Variants in EVC2 observed in about 807,000 individuals in gnomAD.
EVC2 encodes the protein EvC ciliary complex subunit 2, also known as limbin.
A neutral mutation model predicts 149.3 loss-of-function variants in EVC2; 148 were observed. That is an observed-to-expected ratio of 0.99 (90% CI 0.87 to 1.14). The LOEUF (loss-of-function observed/expected upper bound fraction) is 1.14, where lower values mean the gene tolerates loss of function less well. Among genes scored for constraint, EVC2 ranks in the 50% most tolerant of loss-of-function variants. EVC2 has a pLI of 0.00. For synonymous variants in EVC2, 776 were observed against 649.9 expected (o/e 1.19, Z -2.95); for missense variants, 1,854 against 1,627.3 (o/e 1.14, Z -2.40).
intron 21 of EVC2, among the ~76,000 whole-genome samples, chr4:5,551,896 C>T (rs1272575893): frequency 7.2e-5 from 11 of 152,182 alleles, no homozygotes; most frequent in Non-Finnish European, 5.9e-5. Context: ...TTGCCTGCCA[C>T]CATCCATGTA....
chr4:5,695,226 T>C (rs1459918571), intron 2 of EVC2, among the ~76,000 whole-genome samples: 2 of 151,938 alleles, frequency 1.3e-5, no homozygotes, highest in Non-Finnish European at 1.5e-5. Flanking sequence ...TGTGCGCCTG[T>C]AGTCCCAGCT....
intron 1 of EVC2, among the ~76,000 whole-genome samples, chr4:5,704,943 C>A (rs566985265): frequency 7.2e-4 from 109 of 152,224 alleles, no homozygotes; most frequent in African/African-American, 2.6e-3. Context: ...CTCCTGACCT[C>A]AAGCGATCCT....
the EVC2 span, among the ~76,000 whole-genome samples, chr4:5,536,223 A>C: frequency 6.6e-6 from 1 of 152,192 alleles, no homozygotes; most frequent in Non-Finnish European, 1.5e-5. Flanking sequence ...TCTCTAAAAA[A>C]TGTGGGTATT....
chr4:5,611,900 T>G (rs780031347), intron 16 of EVC2, among the ~76,000 whole-genome samples: 15 of 152,200 alleles, frequency 9.9e-5, no homozygotes, highest in Admixed American at 3.3e-4. Flanking sequence ...GATTACAGAT[T>G]AGCCTTCTTC....
intron 5 of EVC2, among the ~76,000 whole-genome samples, chr4:5,687,413 AGAG>A (rs1179228061): frequency 6.6e-6 from 1 of 152,126 alleles, no homozygotes; most frequent in African/African-American, 2.4e-5. Context: ...TAGCATGCCC[AGAG>A]GAGAGATGGA....
At chr4:5,568,032 A>G (rs1162064026) in intron 20 of EVC2, among the ~76,000 whole-genome samples, 1 of 152,128 alleles carries the variant, frequency 6.6e-6, no homozygotes, top group Non-Finnish European at 1.5e-5. Flanking sequence ...CGACACACAA[A>G]TACACATATT....
intron 7 of EVC2, among the ~76,000 whole-genome samples, chr4:5,678,717 G>A (rs549368978): frequency 2.6e-5 from 4 of 152,260 alleles, no homozygotes; most frequent in African/African-American, 4.8e-5. Context: ...ACTGTAACAC[G>A]TACTAAGTAT....
rs560107958 is a variant in EVC2, at chr4:5,546,221, C to A, written c.3420-3009G>T. Among the ~76,000 whole-genome samples, 156 of 152,266 alleles carry A rather than the reference C, an allele frequency of 1.0e-3. 1 individual carries two copies. Among genetic ancestry groups the A allele is most frequent in the Admixed American group, 1.5e-3 (23 of 15,302 alleles). ...CAGCCATCCCATTACTGGGTATATA[C>A]CCAAAGGACTATAAATCATGCTGCT... On this transcript the variant is annotated intron_variant and NMD_transcript_variant, in intron 21 of 22. Transcript: ENST00000475313.
chr4:5,628,498 G>A (rs1348532371), intron 12 of EVC2, 61 bp downstream of exon 12: 3 of 1,593,530 alleles, frequency 1.9e-6, no homozygotes, highest in Admixed American at 1.7e-5. Flanking sequence ...GTGGTATTCT[G>A]TCATAGCAGC....
At position 5,625,018 on chromosome 4, in the gene EVC2, G is replaced by A. The variant is rs1426906623; in HGVS notation, c.2046+731C>T. On this transcript the variant is annotated intron_variant, in intron 13 of 21. Transcript: ENST00000344408. The surrounding 1 kb of genome is among the most constrained non-coding windows in gnomAD (Gnocchi z 4.0). Reference sequence around the variant, plus strand: ...CCGGCCAAGTACCAGAGCCTCCCATGGGGTTTGTATTCCCAGGTTCCTCAA... The same window carrying A: ...CCGGCCAAGTACCAGAGCCTCCCATAGGGTTTGTATTCCCAGGTTCCTCAA... 1.3e-5 allele frequency among the ~76,000 whole-genome samples: 2 copies of A among 151,996 alleles called. No individual in the cohort carries two copies. Among genetic ancestry groups the A allele is most frequent in the Admixed American group, 6.6e-5 (1 of 15,266 alleles).
At chr4:5,568,872 C>T (rs1353749720) in intron 19 of EVC2, among the ~76,000 whole-genome samples, 1 of 152,192 alleles carries the variant, frequency 6.6e-6, no homozygotes, top group East Asian at 1.9e-4. Context: ...TCCAACTGCT[C>T]TCAAGTCACT....
At chr4:5,603,763 G>C (rs1714178803) in intron 16 of EVC2, among the ~76,000 whole-genome samples, 1 of 152,190 alleles carries the variant, frequency 6.6e-6, no homozygotes, top group Non-Finnish European at 1.5e-5. Flanking sequence ...TGCAGACAGA[G>C]AGCAAGATCA....
intron 16 of EVC2, among the ~76,000 whole-genome samples, chr4:5,607,872 G>C (rs1228956142): frequency 6.6e-6 from 1 of 151,942 alleles, no homozygotes. Context: ...CCTAAAGAAG[G>C]AAGCAGAAGG....
Position 5,694,429 on chromosome 4 carries a change from G to C in EVC2, c.356C>G (p.Ser119Cys). 3 of 1,614,192 alleles carry C rather than the reference G, an allele frequency of 1.9e-6. No homozygotes were observed. The highest frequency in any genetic ancestry group is 2.5e-6 in the Non-Finnish European group (3 of 1,180,022). The change falls in exon 3 of 22, where the codon TCT (serine) becomes TGT (cysteine). Residue 119 changes from serine (S) to cysteine (C), a missense_variant. Coordinates refer to ENST00000344408, the MANE Select transcript of EVC2 (RefSeq NM_147127.5). ...VFIPLSTSAA[S>C]SGPWAHSLFA... The stretch of plus-strand genomic sequence containing the variant: ...TAAGGAATGAGCCCATGGCCCACTA[G>C]AGGCTGCAGAAGTTGAGAGTGGGAT...
In EVC2 at chr4:5,574,790, T is replaced by C. The variant is rs1315732807; in HGVS notation, c.3273-18A>G. ...CTCTCAAACTGGAGTGAAAATAAAATATACGTAAGTTCAGTTTTGTTATAA... is the reference window on the plus strand; with the variant it reads ...CTCTCAAACTGGAGTGAAAATAAAACATACGTAAGTTCAGTTTTGTTATAA... On this transcript the variant is annotated intron_variant, in intron 18 of 21. Transcript: ENST00000344408. 2 of 1,612,194 alleles carry C rather than the reference T, an allele frequency of 1.2e-6. No homozygotes were observed. The highest frequency in any genetic ancestry group is 1.3e-5 in the African/African-American group (1 of 74,882).
chr4:5,644,131 C>T (rs1236141988), intron 9 of EVC2, among the ~76,000 whole-genome samples: 1 of 152,054 alleles, frequency 6.6e-6, no homozygotes, highest in Non-Finnish European at 1.5e-5. Flanking sequence ...GCAGAATGTC[C>T]CATGTTCTGG....
At chr4:5,584,595 C>T (rs757222032) in intron 17 of EVC2, 28 bp downstream of exon 17, 12 of 1,604,564 alleles carry the variant, frequency 7.5e-6, no homozygotes, top group South Asian at 1.1e-5. Context: ...AGCTCTGTCC[C>T]CCTCTCCTTC....
intron 7 of EVC2, among the ~76,000 whole-genome samples, chr4:5,665,961 T>A (rs1283726711): frequency 6.6e-6 from 1 of 152,074 alleles, no homozygotes; most frequent in Non-Finnish European, 1.5e-5. Context: ...ATCAAAAACA[T>A]GATAATCCAA....
Position 5,625,696 on chromosome 4 carries a change from T to C in EVC2, c.2046+53A>G. On this transcript the variant is annotated intron_variant, in intron 13 of 21. Coordinates refer to ENST00000344408, the MANE Select transcript of EVC2 (RefSeq NM_147127.5). This position sits in a 1 kb window ranked among gnomAD's most constrained non-coding sequence, Gnocchi z 4.0. Reference sequence around the variant, plus strand: ...GTCTGGCACAGTACCTGGCACTTGATGGGTATCAGAAAGTGCCTATGCAAA... The same window carrying C: ...GTCTGGCACAGTACCTGGCACTTGACGGGTATCAGAAAGTGCCTATGCAAA... 6.2e-7 allele frequency: 1 copy of C among 1,610,878 alleles called. No individual in the cohort carries two copies. The highest frequency in any genetic ancestry group is 8.5e-7 in the Non-Finnish European group (1 of 1,178,150).
Sources: gnomAD v4.1 joint callset for allele counts (sites outside exome capture counted in the v4.1 genomes callset) on GRCh38, gnomAD v4.1.1 for gene constraint, Gnocchi (gnomAD v3.1) non-coding constraint, MANE v1.5 for transcripts, NCBI Gene and HGNC (gene_info 2026-07-23, HGNC 2026-07-21) for gene names.